TET1: variants seen among roughly 807,000 people sequenced by gnomAD.
The protein encoded by TET1 is tet methylcytosine dioxygenase 1, also known as methylcytosine dioxygenase TET1.
A neutral mutation model predicts 148.7 loss-of-function variants in TET1; 13 were observed. The observed-to-expected ratio is 0.09, with a 90% CI of 0.06 to 0.14. TET1 has a LOEUF of 0.14. TET1 is among the 10% of genes least tolerant of loss of function. TET1 has a pLI of 1.00. For synonymous variants in TET1, 907 were observed against 937.2 expected (o/e 0.97, Z 0.59); for missense variants, 2,182 against 2,553.8 (o/e 0.85, Z 3.14).
intron 1 of TET1, among the ~76,000 whole-genome samples, chr10:68,566,630 C>T (rs893411290): frequency 5.9e-5 from 9 of 151,888 alleles, no homozygotes; most frequent in African/African-American, 2.2e-4. Context: ...TCACTAATGT[C>T]TATTTTAAAA....
chr10:68,662,659 T>A (rs1418700634), intron 6 of TET1, among the ~76,000 whole-genome samples: 1 of 152,166 alleles, frequency 6.6e-6, no homozygotes, highest in Non-Finnish European at 1.5e-5. Context: ...CCCAGCACTT[T>A]GGGAGGCTGA....
intron 9 of TET1, among the ~76,000 whole-genome samples, chr10:68,681,840 C>T (rs1259372594): frequency 1.3e-5 from 2 of 151,606 alleles, no homozygotes; most frequent in African/African-American, 4.8e-5. Context: ...GGTGGGTGTG[C>T]ACCTGTAGTC....
At position 68,686,381 on chromosome 10, in the gene TET1, A is replaced by G; in HGVS notation, c.5078A>G (p.Asn1693Ser). Residue 1693 changes from asparagine to serine, a missense_variant, in exon 11 of 12, where the codon AAC (asparagine) becomes AGC (serine). Asn to Ser is a conservative substitution (Grantham distance 46). This residue lies in a region of TET1 where 380 missense variants were observed against 387.9 expected (regional missense o/e 0.98). Transcript: ENST00000373644. Reference sequence around the variant, plus strand: ...GTTTGTACCTTAACTCGAGAAGATAACCGCTCTTTGGGTGTTATTCCTCAA... The same window carrying G: ...GTTTGTACCTTAACTCGAGAAGATAGCCGCTCTTTGGGTGTTATTCCTCAA... ...TVVCTLTREDNRSLGVIPQDE... is the reference protein window; with the variant it reads ...TVVCTLTREDSRSLGVIPQDE... 1 of 1,609,312 alleles carries G rather than the reference A, an allele frequency of 6.2e-7. No individual in the cohort carries two copies. Among genetic ancestry groups the G allele is most frequent in the East Asian group, 2.2e-5 (1 of 44,804 alleles).
intron 3 of TET1, among the ~76,000 whole-genome samples, chr10:68,627,771 T>A (rs10823236): frequency 0.5 from 74,184 of 148,482 alleles, 19,064 homozygotes; most frequent in Non-Finnish European, 0.57. Context: ...ACCAAAAAAA[T>A]AAAAAAATAC....
At chr10:68,617,839 C>T (rs771012367) in intron 3 of TET1, among the ~76,000 whole-genome samples, 38 of 152,220 alleles carry the variant, frequency 2.5e-4, no homozygotes, top group Non-Finnish European at 3.7e-4. Context: ...AGCCACCGCG[C>T]CTGGCCAATG....
At chr10:68,605,329 C>T (rs2054108750) in intron 3 of TET1, among the ~76,000 whole-genome samples, 1 of 152,160 alleles carries the variant, frequency 6.6e-6, no homozygotes, top group South Asian at 2.1e-4. Flanking sequence ...CAAAATTAGC[C>T]AGGGGTAGTG....
chr10:68,624,676 CTCTCTCTCTCTCTCTCTCTCTT>C (rs1210925107), intron 3 of TET1, among the ~76,000 whole-genome samples: 1 of 113,854 alleles, frequency 8.8e-6, no homozygotes, highest in African/African-American at 3.6e-5. Context: ...CTCTCTCTCT[CTCTCTCTCTCTCTCTCTCTCTT>C]TCTTTCTTTT....
At chr10:68,651,694 T>G (rs2054938278) in intron 4 of TET1, 152 bp from the exon 5 acceptor site, 1 of 475,392 alleles carries the variant, frequency 2.1e-6, no homozygotes, top group South Asian at 5.4e-5. Context: ...TCATGGGCTG[T>G]TGTCCTTGCC....
Position 68,667,096 on chromosome 10 carries a change from C to T in TET1, c.4513C>T (p.Arg1505Cys). ...EEKVLCLVRQ[R>C]TGHHCPTAVM... ...AAAAGTTCTTTGTTTGGTCCGGCAG[C>T]GTACAGGCCACCACTGTCCAACTGC... Residue 1505 changes from arginine (R) to cysteine (C), a missense_variant, in exon 7 of 12, where the codon CGT becomes TGT. Transcript: ENST00000373644. 1 of 1,614,134 alleles carries T rather than the reference C, an allele frequency of 6.2e-7. No individual in the cohort carries two copies. Among genetic ancestry groups the T allele is most frequent in the Non-Finnish European group, 8.5e-7 (1 of 1,180,028 alleles).
intron 7 of TET1, among the ~76,000 whole-genome samples, chr10:68,670,714 T>G (rs528187391): frequency 1.4e-4 from 22 of 152,232 alleles, no homozygotes; most frequent in Non-Finnish European, 2.8e-4. Flanking sequence ...CTTTAATTTA[T>G]TCTATTCAAA....
chr10:68,598,484 T>C (rs2054013080), intron 2 of TET1, among the ~76,000 whole-genome samples: 1 of 152,240 alleles, frequency 6.6e-6, no homozygotes, highest in African/African-American at 2.4e-5. Context: ...AAAGATTTTG[T>C]ACCTATTTTC....
rs2053622648 is a variant in TET1 at position 68,567,697 on chromosome 10, T to C, written c.-122-4520T>C. Among the ~76,000 whole-genome samples, 7 of 151,514 alleles carry C rather than the reference T, an allele frequency of 4.6e-5. 1 individual carries two copies. The South Asian group carries it at 1.5e-3, about 32-fold the overall frequency. The stretch of plus-strand genomic sequence containing the variant: ...GAATTGGAGACCAGCCTGCTCAACA[T>C]GCCAAGATCGTGCCATTGAACTCCA... On this transcript the variant is annotated intron_variant, in intron 1 of 11. Transcript: ENST00000373644.
intron 2 of TET1, among the ~76,000 whole-genome samples, chr10:68,578,934 G>A (rs1022010728): frequency 2.6e-5 from 4 of 152,044 alleles, no homozygotes; most frequent in South Asian, 4.2e-4. Flanking sequence ...GGAAGATTGC[G>A]TGAACCTGTG....
intron 7 of TET1, among the ~76,000 whole-genome samples, chr10:68,670,409 G>C (rs959994764): frequency 1.3e-5 from 2 of 152,108 alleles, no homozygotes; most frequent in African/African-American, 4.8e-5. Flanking sequence ...CCTGACTTAA[G>C]TCAGGCTATG....
In TET1 at chr10:68,694,247, T is replaced by C. The variant is rs1201566902; in HGVS notation, c.*2433T>C. On this transcript the variant is annotated 3_prime_UTR_variant, in exon 12 of 12. Coordinates refer to ENST00000373644, the MANE Select transcript of TET1 (RefSeq NM_030625.3). ...CATTCCGTTGTTGTAGTTAACATCATGAATGGACTTCTTAAGCTGATTACC... is the reference window on the plus strand; with the variant it reads ...CATTCCGTTGTTGTAGTTAACATCACGAATGGACTTCTTAAGCTGATTACC... 4.3e-6 allele frequency: 1 copy of C among 232,666 alleles called. No individual in the cohort carries two copies. Among genetic ancestry groups the C allele is most frequent in the Non-Finnish European group, 8.5e-6 (1 of 117,790 alleles). The allele number at this position is 232,666 out of a possible 1,614,324, so 14.4% of individuals were successfully genotyped here.
intron 2 of TET1, among the ~76,000 whole-genome samples, chr10:68,582,287 C>A (rs1187216236): frequency 6.6e-6 from 1 of 151,974 alleles, no homozygotes; most frequent in African/African-American, 2.4e-5. Context: ...TTAGTAGAGA[C>A]AATGTTTCTC....
intron 2 of TET1, among the ~76,000 whole-genome samples, chr10:68,582,900 C>CA (rs1292073126): frequency 6.6e-6 from 1 of 151,964 alleles, no homozygotes. Flanking sequence ...GGAAAAAAAC[C>CA]AAAAAACAAA....
chr10:68,685,512 G>C (rs2055496966), intron 10 of TET1, among the ~76,000 whole-genome samples: 1 of 152,042 alleles, frequency 6.6e-6, no homozygotes, highest in African/African-American at 2.4e-5. Flanking sequence ...CCAGCACTTA[G>C]GGAGGCCAAG....
chr10:68,644,699 C>A lies in TET1; in HGVS notation c.1970C>A (p.Ala657Glu). 1 of 1,551,686 alleles carries A rather than the reference C, an allele frequency of 6.4e-7. No individual in the cohort carries two copies. The highest frequency in any genetic ancestry group is 8.7e-7 in the Non-Finnish European group (1 of 1,153,206). The change falls in exon 4 of 12, where the codon GCA becomes GAA. Residue 657 changes from alanine to glutamate, a missense_variant and splice_region_variant. This residue lies in a region of TET1 where 226 missense variants were observed against 307.4 expected (regional missense o/e 0.74). Transcript: ENST00000373644. ...ATAAGTAATTTCTGTATTTTACAGG[C>A]AGATTTTGACAACAAACCAGTAAAT... Reference protein sequence around the residue: ...QREKKPKVLKADFDNKPVNGP... With the variant: ...QREKKPKVLKEDFDNKPVNGP...
Sources: gnomAD v4.1 joint callset for allele counts (sites outside exome capture counted in the v4.1 genomes callset) on GRCh38, gnomAD v4.1.1 for gene constraint, gnomAD v4.1.1 regional missense constraint, MANE v1.5 for transcripts, NCBI Gene and HGNC (gene_info 2026-07-23, HGNC 2026-07-21) for gene names.